ANKS4B: variants seen among roughly 807,000 people sequenced by gnomAD.
ANKS4B encodes the protein ankyrin repeat and SAM domain-containing protein 4B.
Under a neutral mutation model 20.2 loss-of-function variants are expected in ANKS4B, and 21 were observed. That is an observed-to-expected ratio of 1.04 (90% CI 0.74 to 1.50). ANKS4B has a LOEUF of 1.50. ANKS4B is among the 40% of genes most tolerant of loss of function. The pLI, the probability that ANKS4B is intolerant of heterozygous loss-of-function variation, is 0.00. For synonymous variants in ANKS4B, 179 were observed against 194.5 expected, an observed-to-expected ratio of 0.92 and a Z score of 0.66; for missense variants, 473 against 494.6, an observed-to-expected ratio of 0.96 and a Z score of 0.41.
chr16:21,251,063 T>A lies in ANKS4B; in HGVS notation c.*243T>A. The stretch of plus-strand genomic sequence containing the variant: ...ATCTGGCATTTCTCTTCAGTTATCT[T>A]ATATGTACATATAATTGTTTTTGTG... On this transcript the variant is annotated 3_prime_UTR_variant, in exon 2 of 2. Coordinates refer to ENST00000311620, the MANE Select transcript of ANKS4B (RefSeq NM_145865.3). 2.2e-6 allele frequency: 1 copy of A among 459,436 alleles called. No individual in the cohort carries two copies. Among genetic ancestry groups the A allele is most frequent in the Non-Finnish European group, 3.8e-6 (1 of 261,886 alleles). 28.5% of individuals were successfully genotyped at this position (459,436 alleles called of 1,614,324 possible). A position where few individuals can be genotyped will look rare whatever the true frequency, so the allele number is the denominator to read the frequency against.
At position 21,240,393 on chromosome 16, in the gene ANKS4B, A is replaced by T. The variant is rs528468750; in HGVS notation, c.164+6492A>T. Among the ~76,000 whole-genome samples the T allele has an allele frequency of 5.3e-5, 8 of 151,914 alleles. No homozygotes were observed. The South Asian group carries it at 1.7e-3, about 32-fold the overall frequency. The stretch of plus-strand genomic sequence containing the variant: ...AACCTCCGCCACCTAGGTTCGAGTG[A>T]TTCTCCTGCCTCAGCCTCTGGAATA... On this transcript the variant is annotated intron_variant, in intron 1 of 1. Transcript: ENST00000311620.
intron 1 of ANKS4B, chr16:21,244,071 G>GT (rs1387793510): frequency 8.6e-6 from 1 of 115,804 alleles, no homozygotes; most frequent in Non-Finnish European, 1.7e-5. Context: ...GGGTGCAGCT[G>GT]TAAAAAAAAA....
intron 1 of ANKS4B, among the ~76,000 whole-genome samples, chr16:21,236,022 G>A (rs992826966): frequency 1.3e-5 from 2 of 152,098 alleles, no homozygotes; most frequent in African/African-American, 4.8e-5. Flanking sequence ...TTCTTGCATT[G>A]CTATAAGGAA....
intron 1 of ANKS4B, among the ~76,000 whole-genome samples, chr16:21,248,529 AGACCAGCCT>A (rs2093335093): frequency 6.6e-6 from 1 of 151,916 alleles, no homozygotes; most frequent in Non-Finnish European, 1.5e-5. Context: ...CAGGAGTTTG[AGACCAGCCT>A]GACCAACACG....
At chr16:21,241,430 TTGAGATGG>T (rs1567225597) in intron 1 of ANKS4B, among the ~76,000 whole-genome samples, 1 of 152,048 alleles carries the variant, frequency 6.6e-6, no homozygotes, top group East Asian at 1.9e-4. Context: ...TTGTTTGTTT[TTGAGATGG>T]ACTCTCGCTC....
Position 21,250,414 on chromosome 16 carries a change from G to A in ANKS4B, c.848G>A (p.Ser283Asn), listed in dbSNP as rs768421905. 1 of 1,614,160 alleles carries A rather than the reference G, an allele frequency of 6.2e-7. No homozygotes were observed. Among genetic ancestry groups the A allele is most frequent in the South Asian group, 1.1e-5 (1 of 91,082 alleles). Residue 283 changes from serine to asparagine, a missense_variant, in exon 2 of 2, where the codon AGT (serine) becomes AAT (asparagine). Coordinates refer to ENST00000311620, the MANE Select transcript of ANKS4B (RefSeq NM_145865.3). ...GTTTTTAGAAGGAACAGGATATCGA[G>A]TCCTGAAGACATCTCAGATAGCAAG... ...SIVFRRNRIS[S>N]PEDISDSKRE... is the part of the protein sequence containing the mutation.
chr16:21,244,718 G>T (rs2093330323), intron 1 of ANKS4B, among the ~76,000 whole-genome samples: 1 of 152,122 alleles, frequency 6.6e-6, no homozygotes, highest in Non-Finnish European at 1.5e-5. Flanking sequence ...GAAACCACAT[G>T]TTTAGGGGGG....
At chr16:21,236,886 T>C (rs1420106161) in intron 1 of ANKS4B, among the ~76,000 whole-genome samples, 2 of 152,236 alleles carry the variant, frequency 1.3e-5, no homozygotes, top group Non-Finnish European at 2.9e-5. Context: ...TATTCTTCTA[T>C]AAATTTCAGG....
chr16:21,233,900 G>A lies in ANKS4B; in HGVS notation c.163G>A (p.Gly55Arg). 6.2e-7 allele frequency: 1 copy of A among 1,610,238 alleles called. No homozygotes were observed. The highest frequency in any genetic ancestry group is 8.5e-7 in the Non-Finnish European group (1 of 1,178,080). The part of the protein sequence containing the change: ...LEALEIICSR[G>R]GDPDRCDIWG... ...AGCCCTAGAGATAATCTGCAGTAGA[G>A]GGTAAGTTCAACCCGATGGTTTCTG... Residue 55 changes from glycine to arginine, a missense_variant and splice_region_variant, in exon 1 of 2, where the codon GGA becomes AGA. By Grantham distance (125) the Gly-to-Arg change is moderately radical. Coordinates refer to ENST00000311620, the MANE Select transcript of ANKS4B (RefSeq NM_145865.3).
chr16:21,234,536 C>G (rs951356257), intron 1 of ANKS4B, among the ~76,000 whole-genome samples: 11 of 147,320 alleles, frequency 7.5e-5, no homozygotes, highest in Non-Finnish European at 9.0e-5. Flanking sequence ...TCTCTTTGCC[C>G]AGATTTTAAT....
chr16:21,235,895 A>C (rs1597602857), intron 1 of ANKS4B, among the ~76,000 whole-genome samples: 1 of 152,128 alleles, frequency 6.6e-6, no homozygotes. Context: ...TTCTCCAGTC[A>C]TCTCATCTCT....
chr16:21,237,434 C>G (rs2152859190), intron 1 of ANKS4B, among the ~76,000 whole-genome samples: 1 of 152,254 alleles, frequency 6.6e-6, no homozygotes, highest in African/African-American at 2.4e-5. Context: ...TTTATAAAAA[C>G]CAGAAATTTA....
intron 1 of ANKS4B, among the ~76,000 whole-genome samples, chr16:21,239,723 T>A (rs1308342783): frequency 6.6e-6 from 1 of 152,206 alleles, no homozygotes; most frequent in South Asian, 2.1e-4. Flanking sequence ...TGGAATAGTA[T>A]GCAGTCGAAA....
At chr16:21,239,137 G>A (rs987389123) in intron 1 of ANKS4B, among the ~76,000 whole-genome samples, 2 of 152,158 alleles carry the variant, frequency 1.3e-5, no homozygotes, top group Non-Finnish European at 2.9e-5. Flanking sequence ...GGAGAAAAGC[G>A]AACACTTATA....
chr16:21,243,860 A>C (rs1243504979), intron 1 of ANKS4B: 1 of 152,148 alleles, frequency 6.6e-6, no homozygotes. Context: ...GACATAAGCC[A>C]CTGTGCCCAG....
intron 1 of ANKS4B, among the ~76,000 whole-genome samples, chr16:21,237,530 A>T (rs927275941): frequency 1.3e-5 from 2 of 151,944 alleles, no homozygotes; most frequent in Admixed American, 1.3e-4. Context: ...TCCGCTTCCA[A>T]GATGGTGCCT....
intron 1 of ANKS4B, among the ~76,000 whole-genome samples, chr16:21,248,324 T>C (rs74882665): frequency 2.8e-5 from 1 of 35,260 alleles, no homozygotes; most frequent in Non-Finnish European, 4.6e-5. Context: ...AGCCTAGCCT[T>C]TTTTTTTTTT....
intron 1 of ANKS4B, among the ~76,000 whole-genome samples, chr16:21,247,409 C>G (rs1235558203): frequency 6.6e-6 from 1 of 152,158 alleles, no homozygotes; most frequent in East Asian, 1.9e-4. Context: ...GGAGACCCAA[C>G]GTTGAGCAGC....
intron 1 of ANKS4B, among the ~76,000 whole-genome samples, chr16:21,235,142 C>G (rs1035235212): frequency 6.6e-6 from 1 of 152,142 alleles, no homozygotes; most frequent in African/African-American, 2.4e-5. Flanking sequence ...GCCACTGTGC[C>G]TGGCTCATCT....
Sources: gnomAD v4.1 joint callset for allele counts (sites outside exome capture counted in the v4.1 genomes callset) on GRCh38, gnomAD v4.1.1 for gene constraint, MANE v1.5 for transcripts, NCBI Gene and HGNC (gene_info 2026-07-23, HGNC 2026-07-21) for gene names.